The following CPPED1 variants were observed in gnomAD, a reference collection of about 807,000 sequenced individuals.
CPPED1 encodes the protein serine/threonine-protein phosphatase CPPED1.
A neutral mutation model predicts 28.0 loss-of-function variants in CPPED1; 28 were observed. That is an observed-to-expected ratio of 1.00 (90% CI 0.74 to 1.37). CPPED1 has a LOEUF of 1.37. CPPED1 is among the 40% of genes most tolerant of loss of function. The pLI, the probability that CPPED1 is intolerant of heterozygous loss-of-function variation, is 0.00. For missense variants in CPPED1, 504 were observed against 416.5 expected, an observed-to-expected ratio of 1.21 and a Z score of -1.83; for synonymous variants, 198 against 180.2, an observed-to-expected ratio of 1.10 and a Z score of -0.79.
intron 3 of CPPED1, among the ~76,000 whole-genome samples, chr16:12,677,913 C>T (rs776510859): frequency 1.3e-5 from 2 of 152,204 alleles, no homozygotes; most frequent in Admixed American, 6.5e-5. Flanking sequence ...GTCTCTGTCA[C>T]GACTACTCAA....
At chr16:12,717,270 C>G (rs891962733) in intron 2 of CPPED1, among the ~76,000 whole-genome samples, 14 of 152,114 alleles carry the variant, frequency 9.2e-5, no homozygotes, top group African/African-American at 3.4e-4. Flanking sequence ...CTATTGGGAT[C>G]TTTTTTTCTT....
At chr16:12,765,783 C>G (rs544353243) in intron 2 of CPPED1, among the ~76,000 whole-genome samples, 1 of 152,310 alleles carries the variant, frequency 6.6e-6, no homozygotes, top group Non-Finnish European at 1.5e-5. Context: ...TTTCTAAATT[C>G]TGGGTTCGCG....
chr16:12,757,188 G>A (rs896168264), intron 2 of CPPED1, among the ~76,000 whole-genome samples: 11 of 152,034 alleles, frequency 7.2e-5, no homozygotes, highest in African/African-American at 2.7e-4. Context: ...CACCTCGAGG[G>A]TGACCAACAA....
intron 1 of CPPED1, among the ~76,000 whole-genome samples, chr16:12,781,904 G>T (rs1230789767): frequency 6.6e-6 from 1 of 152,064 alleles, no homozygotes; most frequent in Non-Finnish European, 1.5e-5. Flanking sequence ...GCGCTTGGAA[G>T]CTCTGGCTAT....
chr16:12,774,342 C>T (rs1350958336), intron 2 of CPPED1, among the ~76,000 whole-genome samples: 1 of 151,974 alleles, frequency 6.6e-6, no homozygotes, highest in African/African-American at 2.4e-5. Flanking sequence ...GTGGCAGGCG[C>T]CTGTAATCCC....
chr16:12,741,298 C>T (rs62027328), intron 2 of CPPED1, among the ~76,000 whole-genome samples: 1 of 104,564 alleles, frequency 9.6e-6, no homozygotes, highest in Admixed American at 1.4e-4. Flanking sequence ...CCTCTGGCTG[C>T]CCTTTTTTTT....
chr16:12,737,494 C>A (rs937367705), intron 2 of CPPED1, among the ~76,000 whole-genome samples: 1 of 152,194 alleles, frequency 6.6e-6, no homozygotes, highest in Non-Finnish European at 1.5e-5. Context: ...CATGCAGGGA[C>A]CTGTCTGGAT....
intron 1 of CPPED1, among the ~76,000 whole-genome samples, chr16:12,796,064 T>C (rs1394142510): frequency 1.4e-4 from 21 of 145,510 alleles, no homozygotes; most frequent in Non-Finnish European, 2.6e-4. Flanking sequence ...GCCTGGGCGA[T>C]AGAGCAAGAC....
intron 3 of CPPED1, among the ~76,000 whole-genome samples, chr16:12,683,146 G>A (rs537112019): frequency 8.5e-4 from 129 of 152,320 alleles, no homozygotes; most frequent in Non-Finnish European, 1.6e-3. Flanking sequence ...AGGGGGTACT[G>A]CATCCATCAA....
At chr16:12,674,556 GC>G (rs1425201298) in intron 3 of CPPED1, among the ~76,000 whole-genome samples, 1 of 152,134 alleles carries the variant, frequency 6.6e-6, no homozygotes, top group Admixed American at 6.5e-5. Flanking sequence ...GTGAAAGGAG[GC>G]GGGGCCTGGA....
chr16:12,727,177 G>A (rs755739291), intron 2 of CPPED1, among the ~76,000 whole-genome samples: 20 of 152,154 alleles, frequency 1.3e-4, no homozygotes, highest in Non-Finnish European at 2.4e-4. Flanking sequence ...GTATAGAGGG[G>A]TTTTAGACAC....
At chr16:12,693,647 G>T (rs1440386230) in intron 3 of CPPED1, among the ~76,000 whole-genome samples, 1 of 152,198 alleles carries the variant, frequency 6.6e-6, no homozygotes, top group Non-Finnish European at 1.5e-5. Flanking sequence ...TAGGGAAAAT[G>T]TCTTTTAAGT....
rs114381169 is a variant in CPPED1 at position 12,741,657 on chromosome 16, A to G, written c.290-36608T>C. Among the ~76,000 whole-genome samples, 1,274 of 152,330 alleles carry G rather than the reference A, an allele frequency of 8.4e-3. 21 individuals are homozygous for G. Among genetic ancestry groups the G allele is most frequent in the African/African-American group, 0.029 (1,189 of 41,560 alleles). On this transcript the variant is annotated intron_variant, in intron 2 of 3. Coordinates refer to ENST00000381774, the MANE Select transcript of CPPED1 (RefSeq NM_018340.3). The stretch of plus-strand genomic sequence containing the variant: ...CTGTTAGGGTTTGATGAGATGGCTC[A>G]CAGTTAACTGCGCTACACTTTGCAC...
chr16:12,711,486 G>A (rs1374885609), intron 2 of CPPED1, among the ~76,000 whole-genome samples: 2 of 152,198 alleles, frequency 1.3e-5, no homozygotes, highest in African/African-American at 4.8e-5. Context: ...GGTGGTACAT[G>A]TAACGTTACG....
chr16:12,676,421 C>T (rs781566283), intron 3 of CPPED1, among the ~76,000 whole-genome samples: 2 of 152,198 alleles, frequency 1.3e-5, no homozygotes, highest in Non-Finnish European at 2.9e-5. Flanking sequence ...CATCTACGAC[C>T]TGCATTTTGC....
intron 3 of CPPED1, among the ~76,000 whole-genome samples, chr16:12,703,309 G>C (rs980946948): frequency 6.6e-6 from 1 of 152,178 alleles, no homozygotes; most frequent in Non-Finnish European, 1.5e-5. Context: ...TGTTCCGCTG[G>C]GTGGGGTGGC....
intron 3 of CPPED1, among the ~76,000 whole-genome samples, chr16:12,689,276 G>T (rs2079949872): frequency 6.9e-6 from 1 of 144,714 alleles, no homozygotes; most frequent in Admixed American, 7.1e-5. Flanking sequence ...CTCCAGACTG[G>T]AGTTCAGTGG....
At chr16:12,705,750 C>G (rs2080046792) in intron 2 of CPPED1, among the ~76,000 whole-genome samples, 1 of 152,212 alleles carries the variant, frequency 6.6e-6, no homozygotes, top group East Asian at 1.9e-4. Context: ...AAGAGCGAAT[C>G]TCTGCCTTAG....
At chr16:12,713,803 AAAC>A (rs1190202495) in intron 2 of CPPED1, among the ~76,000 whole-genome samples, 2 of 152,176 alleles carry the variant, frequency 1.3e-5, no homozygotes, top group Non-Finnish European at 2.9e-5. Context: ...ATAAATACAC[AAAC>A]AATATAATTC....
Sources: allele counts gnomAD v4.1 joint callset (sites outside exome capture counted in the v4.1 genomes callset), GRCh38; gene constraint gnomAD v4.1.1; transcripts MANE v1.5; gene names NCBI Gene and HGNC (gene_info 2026-07-23, HGNC 2026-07-21).